The following TMC4 variants were observed in gnomAD, a reference collection of about 807,000 sequenced individuals.
The protein encoded by TMC4 is voltage-gated chloride channel TMC4.
In TMC4, 70 loss-of-function variants were observed where a neutral mutation model predicts 82.0. That is an observed-to-expected ratio of 0.85 (90% confidence interval 0.70 to 1.04). The LOEUF is 1.04. Among genes scored for constraint, TMC4 ranks in the 50% least tolerant of loss-of-function variants. TMC4 has a pLI of 0.00. For synonymous variants in TMC4, 446 were observed against 406.0 expected, an observed-to-expected ratio of 1.10 and a Z score of -1.18; for missense variants, 879 against 899.0, an observed-to-expected ratio of 0.98 and a Z score of 0.28.
chr19:54,170,687 C>T (rs1012255310), intron 2 of TMC4, among the ~76,000 whole-genome samples: 8 of 152,020 alleles, frequency 5.3e-5, no homozygotes, highest in Non-Finnish European at 1.0e-4. Flanking sequence ...GGCTGGAGTG[C>T]GGTGGTGCAA....
At chr19:54,171,350 C>T (rs1460527471) in intron 2 of TMC4, among the ~76,000 whole-genome samples, 1 of 152,110 alleles carries the variant, frequency 6.6e-6, no homozygotes, top group East Asian at 1.9e-4. Flanking sequence ...CACAGGTGAT[C>T]CACTCGCCTG....
chr19:54,168,684 C>A lies in TMC4; in HGVS notation c.443-4G>T. On this transcript the variant is annotated splice_polypyrimidine_tract_variant and splice_region_variant and intron_variant, in intron 3 of 14. Transcript: ENST00000619895. Reference sequence around the variant, plus strand: ...TCCGTGCCGGCGCCAAACTGGCCTGCAGGGGGCAGCAGAGAGAGGCTCAGG... The same window carrying A: ...TCCGTGCCGGCGCCAAACTGGCCTGAAGGGGGCAGCAGAGAGAGGCTCAGG... The A allele has an allele frequency of 6.7e-7, 1 of 1,494,844 alleles. No homozygotes were observed. The highest frequency in any genetic ancestry group is 9.0e-7 in the Non-Finnish European group (1 of 1,115,698). The allele number at this position is 1,494,844 out of a possible 1,614,324, so 92.6% of individuals were successfully genotyped here.
rs1170673828 is a variant in TMC4, at chr19:54,170,241, T to C, written c.294-581A>G. ...TCTACAGAAAAGCAGGAGGCTGGAG[T>C]GGGAGGATCGCTTGAGCCCAGGTGT... On this transcript the variant is annotated intron_variant, in intron 2 of 14. Coordinates refer to ENST00000619895, the MANE Select transcript of TMC4 (RefSeq NM_144686.4). 2.0e-5 allele frequency among the ~76,000 whole-genome samples: 3 copies of C among 148,000 alleles called. No individual in the cohort carries two copies. In the Admixed American group the frequency reaches 2.0e-4, roughly 10 times the overall value.
intron 3 of TMC4, among the ~76,000 whole-genome samples, 169 bp from the exon 4 acceptor site, chr19:54,168,849 TTTC>T (rs1280643250): frequency 2.3e-5 from 1 of 43,014 alleles, no homozygotes; most frequent in African/African-American, 1.1e-4. Flanking sequence ...TTTCTTTTCT[TTTC>T]TTTTCTTTTC....
At chr19:54,171,760 G>A (rs1273088984) in intron 2 of TMC4, 110 bp downstream of exon 2, 1 of 976,466 alleles carries the variant, frequency 1.0e-6, no homozygotes, top group Non-Finnish European at 1.5e-6. Context: ...GGCAGAGAGA[G>A]GCCCCAGAAG....
intron 9 of TMC4, 60 bp from the exon 10 acceptor site, chr19:54,162,830 C>T: frequency 6.5e-7 from 1 of 1,534,866 alleles, no homozygotes; most frequent in South Asian, 1.1e-5. Context: ...GAGGCCCACG[C>T]GTCCGAGTCT....
intron 6 of TMC4, chr19:54,164,863 G>A (rs2075662196): frequency 1.8e-6 from 1 of 565,938 alleles, no homozygotes; most frequent in South Asian, 2.2e-5. Context: ...CCCCGCCCCT[G>A]AGGCTCCGCC....
intron 1 of TMC4, 27 bp downstream of exon 1, chr19:54,173,012 A>G: frequency 6.2e-7 from 1 of 1,604,014 alleles, no homozygotes; most frequent in Non-Finnish European, 8.5e-7. Context: ...GGTCGGATGG[A>G]TCTGAGCTTC....
rs1491280039 is a variant in TMC4 at position 54,163,978 on chromosome 19, T to TTCTTC, written c.1114-92_1114-91insGAAGA. Reference sequence around the variant, plus strand: ...CCCCGGCCTCTTCTTCTTCTTCTTCTTTTTTTTTTTTTTTGAGACAGAGTC... The same window carrying TTCTTC: ...CCCCGGCCTCTTCTTCTTCTTCTTCTTCTTCTTTTTTTTTTTTTTGAGACAGAGTC... On this transcript the variant is annotated intron_variant, in intron 7 of 14. Coordinates refer to ENST00000619895, the MANE Select transcript of TMC4 (RefSeq NM_144686.4). 2.8e-4 allele frequency: 109 copies of TTCTTC among 388,412 alleles called. No homozygotes were observed. In the Middle Eastern group the frequency reaches 5.2e-3, roughly 19 times the overall value. 24.1% of individuals were successfully genotyped at this position (388,412 alleles called of 1,614,324 possible).
rs2075570128 is a variant in TMC4 at position 54,162,146 on chromosome 19, G to C, written c.1642C>G (p.Leu548Val). 1 of 1,613,726 alleles carries C rather than the reference G, an allele frequency of 6.2e-7. No homozygotes were observed. The highest frequency in any genetic ancestry group is 1.3e-5 in the African/African-American group (1 of 74,888). The part of the protein sequence containing the change: ...VGSFFCPLLP[L>V]LNTVKFLLLF... ...AGCAGGAACTTGACCGTGTTAAGCAGGGGCAGTAAAGGGCAGAAAAAACTC... is the reference window on the plus strand; with the variant it reads ...AGCAGGAACTTGACCGTGTTAAGCACGGGCAGTAAAGGGCAGAAAAAACTC... Residue 548 changes from leucine to valine, a missense_variant, in exon 11 of 15, where the codon CTG becomes GTG. Leu to Val is a conservative substitution (Grantham distance 32, BLOSUM62 1). Transcript: ENST00000619895.
At chr19:54,165,766 G>C (rs1176275547) in intron 5 of TMC4, among the ~76,000 whole-genome samples, 200 bp from the exon 6 acceptor site, 3 of 152,152 alleles carry the variant, frequency 2.0e-5, no homozygotes, top group Non-Finnish European at 4.4e-5. Flanking sequence ...GGGAGATTCA[G>C]AGACAGTTCT....
intron 6 of TMC4, 83 bp downstream of exon 6, chr19:54,165,336 T>A: frequency 1.4e-6 from 2 of 1,404,916 alleles, no homozygotes; most frequent in Non-Finnish European, 1.9e-6. Context: ...GGAGGCCCCA[T>A]CACCGAGTTA....
At chr19:54,169,725 A>G in intron 2 of TMC4, 65 bp from the exon 3 acceptor site, 1 of 1,589,168 alleles carries the variant, frequency 6.3e-7, no homozygotes, top group Non-Finnish European at 8.5e-7. Flanking sequence ...ATCTGAATGT[A>G]GACACAATCC....
At position 54,163,090 on chromosome 19, in the gene TMC4, CCCA is replaced by C; in HGVS notation, c.1344_1346del (p.Cys448_Gly449delinsTrp). 6.2e-7 allele frequency: 1 copy of C among 1,613,896 alleles called. No homozygotes were observed. Among genetic ancestry groups the C allele is most frequent in the Non-Finnish European group, 8.5e-7 (1 of 1,179,982 alleles). Reference sequence around the variant, plus strand: ...TGCAGTCCTCAGCCTCGGAGTCGCCCCCACAAGTGATCTGATTCCAGAGAGAGA... The same window carrying C: ...TGCAGTCCTCAGCCTCGGAGTCGCCCCAAGTGATCTGATTCCAGAGAGAGA... On this transcript the variant is annotated inframe_deletion, in exon 9 of 15. Transcript: ENST00000619895.
Position 54,163,797 on chromosome 19 carries a change from G to A in TMC4, c.1204C>T (p.Pro402Ser), listed in dbSNP as rs770875427. The change falls in exon 8 of 15, where the codon CCG becomes TCG. Residue 402 changes from proline to serine, a missense_variant. Pro to Ser is a moderately conservative substitution (Grantham distance 74, BLOSUM62 -1). Coordinates refer to ENST00000619895, the MANE Select transcript of TMC4 (RefSeq NM_144686.4). Reference protein sequence around the residue: ...IFIAGVNFVLPPVFKLIAPLE... With the variant: ...IFIAGVNFVLSPVFKLIAPLE... Reference sequence around the variant, plus strand: ...GGAGCAATGAGCTTGAACACGGGCGGCAGCACAAAATTGACCCCAGCGATG... The same window carrying A: ...GGAGCAATGAGCTTGAACACGGGCGACAGCACAAAATTGACCCCAGCGATG... 6.2e-7 allele frequency: 1 copy of A among 1,613,976 alleles called. No individual in the cohort carries two copies. The highest frequency in any genetic ancestry group is 1.1e-5 in the South Asian group (1 of 91,068).
At chr19:54,169,057 G>A (rs2075820175) in intron 3 of TMC4, among the ~76,000 whole-genome samples, 1 of 92,948 alleles carries the variant, frequency 1.1e-5, no homozygotes. Context: ...TTTTTGAGAC[G>A]GAGTTTCGCT....
At position 54,160,893 on chromosome 19, in the gene TMC4, A is replaced by T; in HGVS notation, c.1958T>A (p.Leu653His). ...FLGTQAFAVP[L>H]LLISSILMAY... ...GCCGTCTCACCTGGAGATCAGCAGA[A>T]GGGGCACAGCAAAAGCCTGGGTCCC... Residue 653 changes from leucine to histidine, a missense_variant, in exon 13 of 15, where the codon CTT (leucine) becomes CAT (histidine). Leu to His is a moderately conservative substitution (Grantham distance 99). Transcript: ENST00000619895. 1 of 1,614,100 alleles carries T rather than the reference A, an allele frequency of 6.2e-7. No homozygotes were observed. The highest frequency in any genetic ancestry group is 8.5e-7 in the Non-Finnish European group (1 of 1,180,006).
intron 9 of TMC4, 127 bp downstream of exon 9, chr19:54,162,906 A>G (rs573983992): frequency 5.4e-4 from 844 of 1,555,998 alleles, no homozygotes; most frequent in Non-Finnish European, 6.8e-4. Flanking sequence ...TCAAACTTTC[A>G]TACCCTTGGG....
At chr19:54,171,776 A>G (rs2075895229) in intron 2 of TMC4, 94 bp downstream of exon 2, 2 of 1,171,610 alleles carry the variant, frequency 1.7e-6, no homozygotes, top group Non-Finnish European at 2.3e-6. Flanking sequence ...AGAAGCCAGG[A>G]GCGGCAGAGG....
Sources: allele counts gnomAD v4.1 joint callset (sites outside exome capture counted in the v4.1 genomes callset), GRCh38; gene constraint gnomAD v4.1.1; transcripts MANE v1.5; gene names NCBI Gene and HGNC (gene_info 2026-07-23, HGNC 2026-07-21).